CXXC5: variants seen among roughly 807,000 people sequenced by gnomAD.
CXXC5 encodes CXXC-type zinc finger protein 5.
A neutral mutation model predicts 17.6 loss-of-function variants in CXXC5; 2 were observed. That is an observed-to-expected ratio of 0.11 (90% CI 0.05 to 0.36). The LOEUF is 0.36. CXXC5 is among the 10% of genes least tolerant of loss of function. The pLI is 1.00. For synonymous variants in CXXC5, 171 were observed against 193.0 expected (o/e 0.89, Z 0.94); for missense variants, 343 against 458.3 (o/e 0.75, Z 2.30).
At chr5:139,654,279 G>A (rs559417571) in intron 1 of CXXC5, among the ~76,000 whole-genome samples, 1 of 152,358 alleles carries the variant, frequency 6.6e-6, no homozygotes, top group African/African-American at 2.4e-5. Context: ...ACCCAGACAA[G>A]TGTGTATGAG....
chr5:139,678,076 A>G (rs2126816686), intron 1 of CXXC5, among the ~76,000 whole-genome samples: 1 of 152,350 alleles, frequency 6.6e-6, no homozygotes, highest in Middle Eastern at 3.4e-3. Context: ...GCAGCCCACA[A>G]GACACCTGCC....
rs755975384 is a variant in CXXC5 at position 139,681,081 on chromosome 5, G to A, written c.558G>A (p.Ala186=). The change falls in exon 2 of 3, where the codon GCG becomes GCA. Residue 186 remains alanine (A), a synonymous_variant. Transcript: ENST00000302517. ...VQEHLPLMSE[A]GAGLPDMEAV... is the part of the protein sequence containing the mutation. ...AGCATCTCCCGCTGATGAGCGAGGC[G>A]GGTGCTGGCCTGCCTGACATGGAGG... is the stretch of plus-strand genomic sequence containing the variant. 8.7e-6 allele frequency: 14 copies of A among 1,612,742 alleles called. No homozygotes were observed. Among genetic ancestry groups the A allele is most frequent in the Admixed American group, 3.3e-5 (2 of 60,022 alleles).
At chr5:139,671,535 GGGCCTCTGTGC>G (rs1756470069) in intron 1 of CXXC5, among the ~76,000 whole-genome samples, 1 of 152,234 alleles carries the variant, frequency 6.6e-6, no homozygotes, top group East Asian at 1.9e-4. Flanking sequence ...GGCACAAAGA[GGGCCTCTGTGC>G]GGCCGGCTGG....
intron 1 of CXXC5, among the ~76,000 whole-genome samples, chr5:139,667,184 G>A (rs1445444746): frequency 1.3e-5 from 2 of 152,146 alleles, no homozygotes; most frequent in Non-Finnish European, 2.9e-5. Context: ...GGTTTAAGTG[G>A]GTCACACCCA....
At position 139,680,739 on chromosome 5, in the gene CXXC5, C is replaced by T. The variant is rs1282050792; in HGVS notation, c.216C>T (p.Ser72=). 3.7e-6 allele frequency: 6 copies of T among 1,613,524 alleles called. No individual in the cohort carries two copies. Among genetic ancestry groups the T allele is most frequent in the Non-Finnish European group, 5.1e-6 (6 of 1,180,020 alleles). The part of the protein sequence containing the change: ...SGIISEPLNK[S]LRRSRPLSHY... The stretch of plus-strand genomic sequence containing the variant: ...TCATCAGTGAGCCCCTCAACAAGAG[C>T]CTGCGCCGCTCCCGCCCGCTCTCCC... Residue 72 remains serine (S), a synonymous_variant, in exon 2 of 3, where the codon AGC becomes AGT. Coordinates refer to ENST00000302517, the MANE Select transcript of CXXC5 (RefSeq NM_016463.9).
At chr5:139,677,652 G>T (rs673632) in intron 1 of CXXC5, among the ~76,000 whole-genome samples, 49,138 of 152,120 alleles carry the variant, frequency 0.32, 8,262 homozygotes, top group Middle Eastern at 0.41. Context: ...CACCTGTTTG[G>T]TGACATATCA....
intron 1 of CXXC5, among the ~76,000 whole-genome samples, chr5:139,671,753 C>T (rs151096549): frequency 6.6e-6 from 1 of 152,256 alleles, no homozygotes; most frequent in Non-Finnish European, 1.5e-5. Flanking sequence ...AGCCACCCTC[C>T]AGGACCCAAG....
At position 139,680,985 on chromosome 5, in the gene CXXC5, G is replaced by A. The variant is rs914458547; in HGVS notation, c.462G>A (p.Leu154=). The A allele has an allele frequency of 1.2e-6, 2 of 1,603,140 alleles. No homozygotes were observed. The highest frequency in any genetic ancestry group is 1.7e-6 in the Non-Finnish European group (2 of 1,179,942). Residue 154 remains leucine, a synonymous_variant, in exon 2 of 3, where the codon CTG becomes CTA. Transcript: ENST00000302517. ...GCAAGGCAGAGCGGGCCACGGAGCT[G>A]GCAGCCGAGGGACAGCTGACGCTGC... is the stretch of plus-strand genomic sequence containing the variant. ...LLSKAERATE[L]AAEGQLTLQQ...
chr5:139,683,879 C>T lies in CXXC5; in HGVS notation c.*972C>T, dbSNP rs1384619546. 1.3e-5 allele frequency: 2 copies of T among 152,380 alleles called. No individual in the cohort carries two copies. The highest frequency in any genetic ancestry group is 2.4e-5 in the African/African-American group (1 of 41,422). 9.4% of individuals were successfully genotyped at this position (152,380 alleles called of 1,614,324 possible). On this transcript the variant is annotated 3_prime_UTR_variant, in exon 3 of 3. Coordinates refer to ENST00000302517, the MANE Select transcript of CXXC5 (RefSeq NM_016463.9). ...ATAAAACGAATGCATGTTTGTGTCA[C>T]GAAGCACCGCTGGCTTCTTGCTCTC...
At chr5:139,678,237 G>T (rs1388947660) in intron 1 of CXXC5, among the ~76,000 whole-genome samples, 2 of 152,232 alleles carry the variant, frequency 1.3e-5, no homozygotes, top group Non-Finnish European at 2.9e-5. Flanking sequence ...ACTAGCCAGG[G>T]TCACTGATTC....
chr5:139,659,953 C>G (rs1755698027), intron 1 of CXXC5, among the ~76,000 whole-genome samples: 1 of 152,232 alleles, frequency 6.6e-6, no homozygotes, highest in African/African-American at 2.4e-5. Context: ...GGTGCCCGCG[C>G]AGCCAAGTAT....
chr5:139,647,648 C>G (rs1030094355), upstream of CXXC5, among the ~76,000 whole-genome samples: 1 of 152,178 alleles, frequency 6.6e-6, no homozygotes, highest in Non-Finnish European at 1.5e-5. Context: ...AGTGCGTAGG[C>G]CATGGTCTCA....
At chr5:139,666,463 C>G (rs1756119546) in intron 1 of CXXC5, among the ~76,000 whole-genome samples, 1 of 152,224 alleles carries the variant, frequency 6.6e-6, no homozygotes, top group African/African-American at 2.4e-5. Flanking sequence ...CCACAAGCCT[C>G]AGCCAGATCA....
chr5:139,669,300 C>G (rs1222948853), intron 1 of CXXC5, among the ~76,000 whole-genome samples: 2 of 152,206 alleles, frequency 1.3e-5, no homozygotes, highest in Non-Finnish European at 2.9e-5. Flanking sequence ...CTCGGAATTG[C>G]TAATCCCCCT....
chr5:139,660,505 T>TA (rs1247204488), intron 1 of CXXC5, among the ~76,000 whole-genome samples: 1 of 152,134 alleles, frequency 6.6e-6, no homozygotes, highest in Admixed American at 6.5e-5. Flanking sequence ...CCTCAGCCCT[T>TA]ATCTCCTATG....
chr5:139,680,357 G>C lies in CXXC5; in HGVS notation c.-160-7G>C, dbSNP rs1413815227. On this transcript the variant is annotated splice_polypyrimidine_tract_variant and splice_region_variant and intron_variant, in intron 1 of 2. Transcript: ENST00000302517. ...TGCTGCCCTGACCCTGTATCCTCTTGTGACAGAGTGAAGACATTTCCACCT... is the reference window on the plus strand; with the variant it reads ...TGCTGCCCTGACCCTGTATCCTCTTCTGACAGAGTGAAGACATTTCCACCT... 1 of 977,812 alleles carries C rather than the reference G, an allele frequency of 1.0e-6. No individual in the cohort carries two copies. Among genetic ancestry groups the C allele is most frequent in the East Asian group, 2.6e-5 (1 of 37,928 alleles). 60.6% of individuals were successfully genotyped at this position (977,812 alleles called of 1,614,324 possible). A position where few individuals can be genotyped will look rare whatever the true frequency, so the allele number is the denominator to read the frequency against.
chr5:139,680,286 C>T (rs901147430), intron 1 of CXXC5, 78 bp from the exon 2 acceptor site: 8 of 586,142 alleles, frequency 1.4e-5, no homozygotes, highest in Admixed American at 9.5e-5. Flanking sequence ...ATGACAGGAC[C>T]GTTGATAGTG....
intron 1 of CXXC5, among the ~76,000 whole-genome samples, chr5:139,652,743 T>C (rs1755281539): frequency 6.6e-6 from 1 of 152,194 alleles, no homozygotes; most frequent in African/African-American, 2.4e-5. Context: ...GAATCTGAGA[T>C]TGTATTTCTG....
chr5:139,653,302 T>C (rs1361666212), intron 1 of CXXC5, among the ~76,000 whole-genome samples: 1 of 152,180 alleles, frequency 6.6e-6, no homozygotes, highest in Non-Finnish European at 1.5e-5. Flanking sequence ...GTGGGTTTTC[T>C]GGAGGGAGGG....
Sources: gnomAD v4.1 joint callset for allele counts (sites outside exome capture counted in the v4.1 genomes callset) on GRCh38, gnomAD v4.1.1 for gene constraint, MANE v1.5 for transcripts, NCBI Gene and HGNC (gene_info 2026-07-23, HGNC 2026-07-21) for gene names.